CMTM4: variants seen among roughly 807,000 people sequenced by gnomAD.
CMTM4 encodes the protein CKLF like MARVEL transmembrane domain containing 4, also known as CKLF-like MARVEL transmembrane domain-containing protein 4.
In CMTM4, 8 loss-of-function variants were observed where a neutral mutation model predicts 19.0. The ratio of observed to expected loss-of-function variants is 0.42; its 90% CI spans 0.25 to 0.76. The LOEUF is 0.76. CMTM4 is among the 30% of genes least tolerant of loss of function. The probability of loss-of-function intolerance (pLI) is 0.27; values close to 1 mark genes in which losing one functional copy is unlikely to be tolerated. For missense variants in CMTM4, 228 were observed against 290.2 expected (o/e 0.79, Z 1.56); for synonymous variants, 106 against 121.1 (o/e 0.88, Z 0.82).
At chr16:66,695,251 G>T (rs1350297352) in intron 1 of CMTM4, among the ~76,000 whole-genome samples, 3 of 152,192 alleles carry the variant, frequency 2.0e-5, no homozygotes, top group Non-Finnish European at 2.9e-5. Flanking sequence ...GGAAGCTGAG[G>T]TGAGAAGATC....
chr16:66,640,239 G>A (rs1344466713), intron 1 of CMTM4, among the ~76,000 whole-genome samples: 1 of 152,184 alleles, frequency 6.6e-6, no homozygotes, highest in Non-Finnish European at 1.5e-5. Context: ...GGCGGAGGTT[G>A]CAGTGAGCTG....
At chr16:66,691,306 T>A (rs914689640) in intron 1 of CMTM4, among the ~76,000 whole-genome samples, 4 of 150,454 alleles carry the variant, frequency 2.7e-5, no homozygotes, top group Non-Finnish European at 4.4e-5. Flanking sequence ...TTTATTCATT[T>A]AAAAAAAAAA....
chr16:66,695,313 C>T (rs2017212296), intron 1 of CMTM4, among the ~76,000 whole-genome samples: 1 of 152,166 alleles, frequency 6.6e-6, no homozygotes, highest in Non-Finnish European at 1.5e-5. Context: ...CACCAGTGCA[C>T]TCCACCCTGG....
intron 1 of CMTM4, among the ~76,000 whole-genome samples, chr16:66,676,952 G>C (rs1315771153): frequency 6.6e-6 from 1 of 152,208 alleles, no homozygotes; most frequent in African/African-American, 2.4e-5. Flanking sequence ...AATCAGAACA[G>C]AGAAAAACCA....
At chr16:66,676,476 G>A (rs2016812935) in intron 1 of CMTM4, among the ~76,000 whole-genome samples, 1 of 152,104 alleles carries the variant, frequency 6.6e-6, no homozygotes, top group Non-Finnish European at 1.5e-5. Flanking sequence ...CTGAGGCTCA[G>A]CTCCCAGGGC....
chr16:66,694,077 GGAGA>G (rs1356511922), intron 1 of CMTM4, among the ~76,000 whole-genome samples: 1 of 151,654 alleles, frequency 6.6e-6, no homozygotes, highest in Non-Finnish European at 1.5e-5. Context: ...AGAGCGCGAG[GGAGA>G]GAAAGAGAAA....
At chr16:66,629,478 T>C (rs968344226) in intron 2 of CMTM4, among the ~76,000 whole-genome samples, 5 of 152,192 alleles carry the variant, frequency 3.3e-5, no homozygotes, top group Admixed American at 1.3e-4. Context: ...TCTACTTTCA[T>C]GGATGAGGAA....
At chr16:66,655,349 C>A (rs1244883617) in intron 1 of CMTM4, among the ~76,000 whole-genome samples, 1 of 152,050 alleles carries the variant, frequency 6.6e-6, no homozygotes. Flanking sequence ...ATAAGCACCC[C>A]AAGTACCCAG....
intron 1 of CMTM4, among the ~76,000 whole-genome samples, chr16:66,689,256 TATA>T (rs1162151339): frequency 7.9e-5 from 12 of 152,376 alleles, no homozygotes; most frequent in Admixed American, 5.2e-4. Flanking sequence ...TATATTACAG[TATA>T]ATGTTAGCTG....
chr16:66,686,714 T>C (rs1277163782), intron 1 of CMTM4, among the ~76,000 whole-genome samples: 1 of 152,094 alleles, frequency 6.6e-6, no homozygotes, highest in Non-Finnish European at 1.5e-5. Context: ...CCTTCAGATA[T>C]GCTTTGGGAG....
chr16:66,665,636 C>T (rs993401758), intron 1 of CMTM4, among the ~76,000 whole-genome samples: 12 of 151,918 alleles, frequency 7.9e-5, no homozygotes, highest in Admixed American at 3.9e-4. Context: ...CCCAGCTACT[C>T]GGGAGGCTGA....
chr16:66,662,373 A>G (rs979009374), intron 1 of CMTM4, among the ~76,000 whole-genome samples: 11 of 152,232 alleles, frequency 7.2e-5, no homozygotes, highest in African/African-American at 2.6e-4. Flanking sequence ...ACCCAGAAAA[A>G]CCCAGAAAAG....
chr16:66,601,368 G>A, the CMTM4 span, among the ~76,000 whole-genome samples: 1,458 of 152,284 alleles, frequency 9.6e-3, 13 homozygotes, highest in Non-Finnish European at 0.013. Context: ...AGGTCATCCC[G>A]TTGAGTGTTC....
rs2017240250 is a variant in CMTM4 at position 66,696,518 on chromosome 16, C to G, written c.8G>C (p.Ser3Thr). 2 of 1,202,964 alleles carry G rather than the reference C, an allele frequency of 1.7e-6. No individual in the cohort carries two copies. Among genetic ancestry groups the G allele is most frequent in the East Asian group, 7.0e-5 (2 of 28,530 alleles). The allele number at this position is 1,202,964 out of a possible 1,614,324, so 74.5% of individuals were successfully genotyped here. The change falls in exon 1 of 4, where the codon AGC (serine) becomes ACC (threonine). Residue 3 changes from serine (S) to threonine (T), a missense_variant. This residue lies in a region of CMTM4 where 21 missense variants were observed against 43.1 expected (regional missense o/e 0.49). Coordinates refer to ENST00000394106, the MANE Select transcript of CMTM4 (RefSeq NM_181521.3). This position sits in a 1 kb window ranked among gnomAD's most constrained non-coding sequence, Gnocchi z 4.3. ...CTCGAAGCCGTCCAGCTCCTCGCCGCTCCGCATGCTGCCGCCCGGCCCGGG... is the reference window on the plus strand; with the variant it reads ...CTCGAAGCCGTCCAGCTCCTCGCCGGTCCGCATGCTGCCGCCCGGCCCGGG... MR[S>T]GEELDGFEGE...
chr16:66,611,270 C>T (rs992768609), downstream of CMTM4, among the ~76,000 whole-genome samples: 2 of 151,952 alleles, frequency 1.3e-5, no homozygotes, highest in East Asian at 1.9e-4. Context: ...CTGGCCAACA[C>T]GGTGAAACCC....
chr16:66,601,239 T>C, the CMTM4 span, among the ~76,000 whole-genome samples: 1 of 152,080 alleles, frequency 6.6e-6, no homozygotes, highest in African/African-American at 2.4e-5. Context: ...AGTTCTTGTC[T>C]TGCATCCAGG....
the CMTM4 span, among the ~76,000 whole-genome samples, chr16:66,599,032 C>A: frequency 2.6e-5 from 4 of 151,930 alleles, no homozygotes; most frequent in African/African-American, 4.8e-5. Context: ...GTAATCCCAG[C>A]ACTTTGGGAG....
At chr16:66,612,653 C>T (rs369189650), downstream of CMTM4, 1 of 1,613,482 alleles carries the variant, frequency 6.2e-7, no homozygotes, top group African/African-American at 1.3e-5. The surrounding 1 kb of genome is among the most constrained non-coding windows in gnomAD (Gnocchi z 6.0). Context: ...TGGCGGGTGC[C>T]TTGGCAACCT....
Position 66,618,434 on chromosome 16 carries a change from T to C in CMTM4, c.*3624A>G, listed in dbSNP as rs1043570378. ...AAATTGTTCAGGTGTCTCCATGCTC[T>C]ATTCATCTCCTAGGTGCTAAGACCA... is the stretch of plus-strand genomic sequence containing the variant. On this transcript the variant is annotated 3_prime_UTR_variant, in exon 4 of 4. Coordinates refer to ENST00000394106, the MANE Select transcript of CMTM4 (RefSeq NM_181521.3). 4.1e-6 allele frequency: 4 copies of C among 985,356 alleles called. No homozygotes were observed. Among genetic ancestry groups the C allele is most frequent in the Non-Finnish European group, 4.8e-6 (4 of 829,948 alleles). 61.0% of individuals were successfully genotyped at this position (985,356 alleles called of 1,614,324 possible). A position where few individuals can be genotyped will look rare whatever the true frequency, so the allele number is the denominator to read the frequency against.
Sources: gnomAD v4.1 joint callset for allele counts (sites outside exome capture counted in the v4.1 genomes callset) on GRCh38, gnomAD v4.1.1 for gene constraint, gnomAD v4.1.1 regional missense constraint, Gnocchi (gnomAD v3.1) non-coding constraint, MANE v1.5 for transcripts, NCBI Gene and HGNC (gene_info 2026-07-23, HGNC 2026-07-21) for gene names.